Variants in TNRC6A observed in about 807,000 individuals in gnomAD.
TNRC6A encodes trinucleotide repeat-containing gene 6A protein.
Under a neutral mutation model 221.2 loss-of-function variants are expected in TNRC6A, and 44 were observed. The ratio of observed to expected loss-of-function variants is 0.20; its 90% confidence interval spans 0.16 to 0.26. The LOEUF (loss-of-function observed/expected upper bound fraction) is 0.26. Among genes scored for constraint, TNRC6A ranks in the 10% least tolerant of loss-of-function variants. The pLI, the probability that TNRC6A is intolerant of heterozygous loss-of-function variation, is 1.00. For synonymous variants in TNRC6A, 847 were observed against 838.5 expected (o/e 1.01, Z -0.18); for missense variants, 2,199 against 2,404.4 (o/e 0.91, Z 1.79).
intron 4 of TNRC6A, chr16:24,776,685 T>G (rs1338084188): frequency 2.0e-6 from 2 of 985,306 alleles, no homozygotes; most frequent in Non-Finnish European, 2.4e-6. Flanking sequence ...ATAGTGAACA[T>G]GAGTTGTTGT....
chr16:24,658,829 G>A (rs1424176198), intron 2 of TNRC6A, among the ~76,000 whole-genome samples: 1 of 142,202 alleles, frequency 7.0e-6, no homozygotes, highest in Admixed American at 7.0e-5. Context: ...TTTTTGTTTT[G>A]AGTCAGGGTC....
chr16:24,611,270 G>C lies in TNRC6A; in HGVS notation n.276+786G>C, dbSNP rs143967575. ...TGAAAGAACAGCTTCTAAGGACTTG[G>C]TGATTGGAAATGTACCTTCTAAAAA... is the stretch of plus-strand genomic sequence containing the variant. On this transcript the variant is annotated intron_variant and non_coding_transcript_variant, in intron 1 of 2. Transcript: ENST00000566108. Among the ~76,000 whole-genome samples, 59 of 152,260 alleles carry C rather than the reference G, an allele frequency of 3.9e-4. 1 individual carries two copies. The East Asian group carries it at 9.8e-3, about 25-fold the overall frequency.
chr16:24,810,657 T>C (rs755061728), intron 18 of TNRC6A, among the ~76,000 whole-genome samples: 8 of 152,152 alleles, frequency 5.3e-5, no homozygotes, highest in Admixed American at 1.3e-4. Context: ...TGGTGAATTC[T>C]GTATCTCGGC....
chr16:24,782,544 G>T (rs2057873651), intron 5 of TNRC6A, among the ~76,000 whole-genome samples: 1 of 152,140 alleles, frequency 6.6e-6, no homozygotes, highest in South Asian at 2.1e-4. Flanking sequence ...TGAACCAAAG[G>T]CAAGAATAAC....
intron 2 of TNRC6A, among the ~76,000 whole-genome samples, chr16:24,641,872 C>T (rs1020376540): frequency 2.0e-5 from 3 of 152,138 alleles, no homozygotes; most frequent in African/African-American, 7.2e-5. Flanking sequence ...CCATTGAACT[C>T]CTAAAACTCA....
chr16:24,687,843 G>GAAGAAGAAGAAGAAGAAGAAGAAGAA (rs1555489487), intron 2 of TNRC6A, among the ~76,000 whole-genome samples: 25 of 101,912 alleles, frequency 2.5e-4, no homozygotes, highest in South Asian at 4.6e-4. Context: ...AAGAGGAAGA[G>GAAGAAGAAGAAGAAGAAGAAGAAGAA]GAAGAAGAAG....
At chr16:24,675,260 G>A (rs534055485) in intron 2 of TNRC6A, among the ~76,000 whole-genome samples, 5 of 152,286 alleles carry the variant, frequency 3.3e-5, no homozygotes, top group African/African-American at 1.2e-4. Flanking sequence ...GAACACATTG[G>A]AATGAATTGC....
intron 2 of TNRC6A, chr16:24,662,316 CTA>C (rs2055051861): frequency 6.6e-6 from 1 of 151,476 alleles, no homozygotes; most frequent in Non-Finnish European, 1.5e-5. Flanking sequence ...CTCCCCGTCT[CTA>C]TAAAAAGTAC....
intron 2 of TNRC6A, among the ~76,000 whole-genome samples, chr16:24,732,142 T>C (rs77295323): frequency 1.3e-5 from 2 of 152,314 alleles, no homozygotes; most frequent in Non-Finnish European, 2.9e-5. Context: ...CAGTGTGTAC[T>C]AAGGATCCAA....
chr16:24,794,801 C>A, intron 8 of TNRC6A, 82 bp downstream of exon 8: 1 of 1,402,610 alleles, frequency 7.1e-7, no homozygotes, highest in South Asian at 1.4e-5. Context: ...TTCGCCTGCC[C>A]ATTTCTGGCG....
chr16:24,783,385 T>C (rs2057895409), intron 5 of TNRC6A, among the ~76,000 whole-genome samples: 1 of 152,186 alleles, frequency 6.6e-6, no homozygotes, highest in Non-Finnish European at 1.5e-5. Context: ...CACCTCGGCC[T>C]CCCAAAGTGC....
At position 24,823,353 on chromosome 16, in the gene TNRC6A, A is replaced by G. The variant is rs933848015; in HGVS notation, c.5514-79A>G. The G allele has an allele frequency of 2.9e-5, 44 of 1,512,036 alleles. No homozygotes were observed. Among genetic ancestry groups the G allele is most frequent in the Non-Finnish European group, 3.9e-5 (44 of 1,126,494 alleles). 93.7% of individuals were successfully genotyped at this position (1,512,036 alleles called of 1,614,324 possible). ...TTCTGTGGCTTTTCTAGCAGAGACA[A>G]GTTGCACCCTCACTTGTGAGTGAAT... On this transcript the variant is annotated intron_variant, in intron 24 of 24. Transcript: ENST00000395799. The surrounding 1 kb of genome is among the most constrained non-coding windows in gnomAD (Gnocchi z 4.3).
At chr16:24,619,044 A>G (rs1900531918) in intron 1 of TNRC6A, among the ~76,000 whole-genome samples, 1 of 152,164 alleles carries the variant, frequency 6.6e-6, no homozygotes, top group Non-Finnish European at 1.5e-5. Flanking sequence ...ACTGAAGTGA[A>G]TTTTCGAAAG....
intron 2 of TNRC6A, among the ~76,000 whole-genome samples, chr16:24,692,615 A>G (rs1391072187): frequency 6.9e-6 from 1 of 144,764 alleles, no homozygotes; most frequent in East Asian, 1.9e-4. Context: ...TAAATAAAAT[A>G]AAACAAAGTA....
At chr16:24,776,687 AGTT>A (rs2151719431) in intron 4 of TNRC6A, 1 of 985,404 alleles carries the variant, frequency 1.0e-6, no homozygotes, top group East Asian at 1.1e-4. Context: ...AGTGAACATG[AGTT>A]GTTGTCTTGG....
In TNRC6A at chr16:24,822,171, T is replaced by G. The variant is rs2058778179; in HGVS notation, c.5373+24T>G. On this transcript the variant is annotated intron_variant, in intron 23 of 24. Transcript: ENST00000395799. ...AGGTAAGGATACCAGATACGCTGGT[T>G]TATGTGGCTACGCCAGGGAGCATGG... The G allele has an allele frequency of 4.3e-6, 7 of 1,610,558 alleles. No individual in the cohort carries two copies. In the African/African-American group the frequency reaches 5.3e-5, roughly 12 times the overall value.
intron 2 of TNRC6A, among the ~76,000 whole-genome samples, chr16:24,702,302 C>T (rs958883419): frequency 6.6e-6 from 1 of 151,428 alleles, no homozygotes; most frequent in East Asian, 1.9e-4. Context: ...CTCAGCCTCC[C>T]GAGTAGCTGG....
intron 4 of TNRC6A, among the ~76,000 whole-genome samples, chr16:24,773,919 A>G (rs565961149): frequency 7.9e-5 from 12 of 151,132 alleles, no homozygotes; most frequent in African/African-American, 2.9e-4. Context: ...TGCGAAGTAT[A>G]TTGTTTTTCC....
At chr16:24,720,297 G>A (rs1348298235) in intron 2 of TNRC6A, among the ~76,000 whole-genome samples, 1 of 152,124 alleles carries the variant, frequency 6.6e-6, no homozygotes, top group Non-Finnish European at 1.5e-5. Context: ...AGCTACTCAG[G>A]AGGCTGAGGC....
Sources: gnomAD v4.1 joint callset for allele counts (sites outside exome capture counted in the v4.1 genomes callset) on GRCh38, gnomAD v4.1.1 for gene constraint, Gnocchi (gnomAD v3.1) non-coding constraint, MANE v1.5 for transcripts, NCBI Gene and HGNC (gene_info 2026-07-23, HGNC 2026-07-21) for gene names.